FRAS1: variants seen among roughly 807,000 people sequenced by gnomAD.
FRAS1 encodes extracellular matrix organizing protein FRAS1.
Under a neutral mutation model 435.2 loss-of-function variants are expected in FRAS1, and 290 were observed. The observed-to-expected ratio is 0.67, with a 90% CI of 0.61 to 0.73. The LOEUF is 0.73. Ranked by LOEUF, FRAS1 falls within the 30% of genes least tolerant of loss-of-function variation. The probability of loss-of-function intolerance (pLI) is 0.00; values close to 1 mark genes in which losing one functional copy is unlikely to be tolerated. For synonymous variants in FRAS1, 1,800 were observed against 1,851.0 expected, an observed-to-expected ratio of 0.97 and a Z score of 0.71; for missense variants, 4,860 against 5,001.5, an observed-to-expected ratio of 0.97 and a Z score of 0.85.
At chr4:78,226,939 G>T (rs948648870) in intron 2 of FRAS1, among the ~76,000 whole-genome samples, 2 of 151,616 alleles carry the variant, frequency 1.3e-5, no homozygotes, top group African/African-American at 4.8e-5. Flanking sequence ...TTTTCTTTAG[G>T]TATAGCCAGT....
chr4:78,334,015 C>T (rs1730056828), intron 19 of FRAS1, among the ~76,000 whole-genome samples: 1 of 152,176 alleles, frequency 6.6e-6, no homozygotes, highest in Non-Finnish European at 1.5e-5. Flanking sequence ...ACATGAACTC[C>T]TGGGCTCAAG....
At position 78,378,903 on chromosome 4, in the gene FRAS1, C is replaced by T. The variant is rs78775115; in HGVS notation, c.3293-823C>T. ...TGTCCATTTATTTTTTCTTTTGTCA[C>T]ATGTGCTTTTTGTGTCTTATCTAAG... On this transcript the variant is annotated intron_variant, in intron 26 of 73. Coordinates refer to ENST00000512123, the MANE Select transcript of FRAS1 (RefSeq NM_025074.7). Among the ~76,000 whole-genome samples the T allele has an allele frequency of 3.3e-4, 50 of 152,178 alleles. No homozygotes were observed. In the East Asian group the frequency reaches 9.4e-3, roughly 29 times the overall value.
chr4:78,522,521 G>T (rs1336155844), intron 68 of FRAS1, 128 bp from the exon 69 acceptor site: 1 of 801,578 alleles, frequency 1.2e-6, no homozygotes, highest in Non-Finnish European at 2.0e-6. Flanking sequence ...GGCAAAATGG[G>T]CTAAGCTTAG....
intron 38 of FRAS1, among the ~76,000 whole-genome samples, chr4:78,435,305 T>C (rs1255984282): frequency 6.6e-6 from 1 of 152,080 alleles, no homozygotes; most frequent in Non-Finnish European, 1.5e-5. Flanking sequence ...ATGAACATTC[T>C]GAAAAAGAAT....
At position 78,363,524 on chromosome 4, in the gene FRAS1, C is replaced by A. The variant is rs199980009; in HGVS notation, c.2434C>A (p.Leu812Met). The change falls in exon 21 of 74, where the codon CTG (leucine) becomes ATG (methionine). Residue 812 changes from leucine (L) to methionine (M), a missense_variant. Coordinates refer to ENST00000512123, the MANE Select transcript of FRAS1 (RefSeq NM_025074.7). Reference protein sequence around the residue: ...LVGYCADCHHLCQHCAADLHN... With the variant: ...LVGYCADCHHMCQHCAADLHN... Reference sequence around the variant, plus strand: ...CCTTCCCCCTCCAGACTGCCATCACCTGTGCCAGCACTGTGCAGCTGATCT... The same window carrying A: ...CCTTCCCCCTCCAGACTGCCATCACATGTGCCAGCACTGTGCAGCTGATCT... The A allele has an allele frequency of 3.7e-6, 6 of 1,611,402 alleles. No individual in the cohort carries two copies. Among genetic ancestry groups the A allele is most frequent in the Non-Finnish European group, 5.1e-6 (6 of 1,178,522 alleles).
rs60743368 is a variant in FRAS1 at position 78,067,672 on chromosome 4, T to TTTATTATTATTATTATTA, written c.108+1680_108+1697dup. 4.7e-3 allele frequency among the ~76,000 whole-genome samples: 593 copies of TTTATTATTATTATTATTA among 125,732 alleles called. 4 individuals carry two copies. Among genetic ancestry groups the TTTATTATTATTATTATTA allele is most frequent in the African/African-American group, 9.0e-3 (286 of 31,876 alleles). The allele number at this position is 125,732 out of a possible 152,430, so 82.5% of individuals were successfully genotyped here. A position where few individuals can be genotyped will look rare whatever the true frequency, so the allele number is the denominator to read the frequency against. ...TTTCTTTTTCTTTTTTTTTCTTTCT[T>TTTATTATTATTATTATTA]TTATTATTATTATTATTATTATTAT... is the stretch of plus-strand genomic sequence containing the variant. On this transcript the variant is annotated intron_variant, in intron 2 of 73. Transcript: ENST00000512123.
At chr4:78,413,498 A>G (rs558497952) in intron 32 of FRAS1, among the ~76,000 whole-genome samples, 5 of 152,312 alleles carry the variant, frequency 3.3e-5, no homozygotes, top group African/African-American at 1.2e-4. Flanking sequence ...TTCCACTGTA[A>G]AAGTTTCCTA....
intron 18 of FRAS1, among the ~76,000 whole-genome samples, chr4:78,322,499 C>T (rs1473545337): frequency 6.6e-6 from 1 of 151,858 alleles, no homozygotes; most frequent in Non-Finnish European, 1.5e-5. Flanking sequence ...AACTCTCCTT[C>T]CTTTCTTTGA....
chr4:78,231,064 C>T (rs972607130), intron 2 of FRAS1, among the ~76,000 whole-genome samples: 12 of 152,126 alleles, frequency 7.9e-5, no homozygotes, highest in African/African-American at 2.9e-4. Flanking sequence ...AAACGATTCT[C>T]CTGCCTCAGC....
intron 2 of FRAS1, among the ~76,000 whole-genome samples, chr4:78,120,937 G>A (rs555748566): frequency 6.6e-6 from 1 of 152,152 alleles, no homozygotes; most frequent in African/African-American, 2.4e-5. Flanking sequence ...TTGCTACTTC[G>A]TGGGAAATTG....
chr4:78,098,168 G>T (rs1741912409), intron 2 of FRAS1, among the ~76,000 whole-genome samples: 1 of 152,008 alleles, frequency 6.6e-6, no homozygotes, highest in South Asian at 2.1e-4. Context: ...GTTTGTCTTG[G>T]GTCCTCTTTT....
At position 78,146,512 on chromosome 4, in the gene FRAS1, TATACCCCA is replaced by T. The variant is rs575003827; in HGVS notation, c.108+80498_108+80505del. Among the ~76,000 whole-genome samples the T allele has an allele frequency of 4.1e-3, 621 of 152,252 alleles. 5 individuals carry two copies. The highest frequency in any genetic ancestry group is 0.014 in the African/African-American group (586 of 41,564). On this transcript the variant is annotated intron_variant, in intron 2 of 73. Transcript: ENST00000512123. Reference sequence around the variant, plus strand: ...TTTAGAGCTTTTTATTATAGAAAATTATACCCCAAAACATAGCGAGAATAGTACAGTGA... The same window carrying T: ...TTTAGAGCTTTTTATTATAGAAAATTAAACATAGCGAGAATAGTACAGTGA...
intron 31 of FRAS1, among the ~76,000 whole-genome samples, chr4:78,411,883 C>CA (rs1344493182): frequency 6.6e-6 from 1 of 152,116 alleles, no homozygotes; most frequent in Admixed American, 6.5e-5. Context: ...TAAATACTGC[C>CA]ACTTGTTGGC....
chr4:78,375,904 T>C (rs1369412211), intron 26 of FRAS1, 25 bp downstream of exon 26: 4 of 1,612,706 alleles, frequency 2.5e-6, no homozygotes, highest in South Asian at 2.2e-5. Flanking sequence ...TCAGATGGTC[T>C]GGTGAATTTA....
chr4:78,205,820 C>T (rs904329892), intron 2 of FRAS1, among the ~76,000 whole-genome samples: 7 of 152,174 alleles, frequency 4.6e-5, no homozygotes, highest in African/African-American at 7.2e-5. Flanking sequence ...ACTACATCAC[C>T]GCAGTCTGGC....
chr4:78,162,743 T>A (rs1430785937), intron 2 of FRAS1, among the ~76,000 whole-genome samples: 2 of 152,218 alleles, frequency 1.3e-5, no homozygotes, highest in East Asian at 3.8e-4. Context: ...CTCCTGAGGC[T>A]GTAAGGCAGG....
At chr4:78,381,330 A>G (rs1382084708) in intron 27 of FRAS1, among the ~76,000 whole-genome samples, 3 of 151,180 alleles carry the variant, frequency 2.0e-5, no homozygotes, top group Admixed American at 6.6e-5. Flanking sequence ...TTGAGACAGA[A>G]TCTCACTCTG....
intron 2 of FRAS1, among the ~76,000 whole-genome samples, chr4:78,120,923 G>T (rs1478733092): frequency 6.6e-6 from 1 of 152,182 alleles, no homozygotes; most frequent in Non-Finnish European, 1.5e-5. Flanking sequence ...TTGGCTTGAT[G>T]GCTTTGCTAC....
chr4:78,413,595 G>A (rs920799216), intron 32 of FRAS1, among the ~76,000 whole-genome samples: 3 of 152,218 alleles, frequency 2.0e-5, no homozygotes, highest in South Asian at 4.1e-4. Context: ...GGAATGGAGA[G>A]GTGATGACAA....
Sources: allele counts gnomAD v4.1 joint callset (sites outside exome capture counted in the v4.1 genomes callset), GRCh38; gene constraint gnomAD v4.1.1; transcripts MANE v1.5; gene names NCBI Gene and HGNC (gene_info 2026-07-23, HGNC 2026-07-21).